ENTREP2: variants seen among roughly 807,000 people sequenced by gnomAD.
ENTREP2 encodes the protein endosomal transmembrane epsin interactor 2, also known as protein ENTREP2.
chr15:29,590,216 C>T, the ENTREP2 span, among the ~76,000 whole-genome samples: 2 of 152,108 alleles, frequency 1.3e-5, no homozygotes, highest in Non-Finnish European at 2.9e-5. Context: ...TCTGAGGTGC[C>T]TGGGGTTCCA....
At chr15:29,383,765 T>C in the ENTREP2 span, among the ~76,000 whole-genome samples, 1 of 152,072 alleles carries the variant, frequency 6.6e-6, no homozygotes, top group African/African-American at 2.4e-5. Flanking sequence ...ATCAAAAACA[T>C]CTGGCCACAA....
the ENTREP2 span, among the ~76,000 whole-genome samples, chr15:29,653,067 G>A: frequency 6.6e-6 from 1 of 152,206 alleles, no homozygotes; most frequent in Non-Finnish European, 1.5e-5. Context: ...TGTGCAAAAA[G>A]ATGGACAAAG....
the ENTREP2 span, among the ~76,000 whole-genome samples, chr15:29,315,132 A>T: frequency 6.6e-6 from 1 of 152,222 alleles, no homozygotes; most frequent in Admixed American, 6.5e-5. Context: ...CTTGGATAAG[A>T]AGATACAACA....
the ENTREP2 span, among the ~76,000 whole-genome samples, chr15:29,159,442 G>T: frequency 2.0e-5 from 3 of 152,136 alleles, no homozygotes; most frequent in East Asian, 5.8e-4. Flanking sequence ...AAAAGGACAG[G>T]GCCGGGTTGC....
the ENTREP2 span, among the ~76,000 whole-genome samples, chr15:29,386,433 C>T: frequency 5.3e-5 from 8 of 152,280 alleles, no homozygotes; most frequent in East Asian, 1.9e-4. Context: ...GTCACACGCC[C>T]GGTGAGGCGG....
the ENTREP2 span, among the ~76,000 whole-genome samples, chr15:29,600,898 C>CTTTTTTTTTTTTT: frequency 2.6e-3 from 323 of 125,252 alleles, 50 homozygotes; most frequent in East Asian, 5.7e-3. Context: ...TATGATTTTT[C>CTTTTTTTTTTTTT]TTTCTTTTTT....
chr15:29,246,614 C>T, the ENTREP2 span, among the ~76,000 whole-genome samples: 2 of 152,004 alleles, frequency 1.3e-5, no homozygotes, highest in Admixed American at 6.6e-5. Context: ...GCAGGAGAAT[C>T]GCTTGAACCC....
At chr15:29,529,209 TTGTGAGGGCGTGGAGGGGTG>T in the ENTREP2 span, among the ~76,000 whole-genome samples, 38 of 722 alleles carry the variant, frequency 0.053, no homozygotes, top group South Asian at 0.14. Context: ...AAAGGTGGGG[TTGTGAGGGCGTGGAGGGGTG>T]TGTGAGGGTG....
the ENTREP2 span, among the ~76,000 whole-genome samples, chr15:29,530,499 C>T: frequency 6.6e-6 from 1 of 152,166 alleles, no homozygotes; most frequent in Non-Finnish European, 1.5e-5. Flanking sequence ...CCCGGCACTG[C>T]AACTACCAGA....
At chr15:29,184,846 T>G in the ENTREP2 span, among the ~76,000 whole-genome samples, 1 of 152,186 alleles carries the variant, frequency 6.6e-6, no homozygotes, top group East Asian at 1.9e-4. Context: ...TCAGAGGTTA[T>G]TTTTAAAGCA....
At chr15:29,206,973 C>T in the ENTREP2 span, among the ~76,000 whole-genome samples, 6 of 152,140 alleles carry the variant, frequency 3.9e-5, no homozygotes, top group African/African-American at 7.2e-5. Context: ...ACTGTCTCCC[C>T]GGCATAAACT....
the ENTREP2 span, among the ~76,000 whole-genome samples, chr15:29,493,428 C>T: frequency 1.3e-5 from 2 of 151,812 alleles, no homozygotes; most frequent in South Asian, 2.1e-4. Flanking sequence ...CCACCGCGCC[C>T]GGCCGACAAC....
chr15:29,188,354 C>A, the ENTREP2 span, among the ~76,000 whole-genome samples: 1 of 152,130 alleles, frequency 6.6e-6, no homozygotes, highest in Non-Finnish European at 1.5e-5. Context: ...ATCAACACAT[C>A]ATCTAGGTTT....
the ENTREP2 span, among the ~76,000 whole-genome samples, chr15:29,356,937 A>G: frequency 5.9e-5 from 9 of 152,160 alleles, no homozygotes; most frequent in Non-Finnish European, 8.8e-5. Context: ...ATGCCTTTGG[A>G]GGGAAGAGAA....
At chr15:29,552,455 A>G in the ENTREP2 span, among the ~76,000 whole-genome samples, 3 of 150,922 alleles carry the variant, frequency 2.0e-5, no homozygotes, top group Non-Finnish European at 4.5e-5. Flanking sequence ...AAAGGAAAGC[A>G]GGGCACCAGA....
At chr15:29,293,162 A>G in the ENTREP2 span, among the ~76,000 whole-genome samples, 1 of 152,246 alleles carries the variant, frequency 6.6e-6, no homozygotes, top group Admixed American at 6.5e-5. Context: ...ACAGAAAACC[A>G]AAGTGAAGAG....
chr15:29,360,469 C>T, the ENTREP2 span, among the ~76,000 whole-genome samples: 1 of 152,152 alleles, frequency 6.6e-6, no homozygotes, highest in Non-Finnish European at 1.5e-5. Flanking sequence ...ACACGAGATC[C>T]TCCATTTCCT....
At chr15:29,132,234 T>C in the ENTREP2 span, among the ~76,000 whole-genome samples, 1 of 152,192 alleles carries the variant, frequency 6.6e-6, no homozygotes, top group Non-Finnish European at 1.5e-5. Context: ...CCTTGCTGTC[T>C]AGTCAGAGGG....
At chr15:29,527,064 C>A in the ENTREP2 span, among the ~76,000 whole-genome samples, 1 of 152,112 alleles carries the variant, frequency 6.6e-6, no homozygotes, top group African/African-American at 2.4e-5. Flanking sequence ...TGAAACCACA[C>A]CCTCCTGCTT....
Sources: gnomAD v4.1 joint callset for allele counts (sites outside exome capture counted in the v4.1 genomes callset) on GRCh38, gnomAD v4.1.1 for gene constraint, MANE v1.5 for transcripts, NCBI Gene and HGNC (gene_info 2026-07-23, HGNC 2026-07-21) for gene names.